The following MAD1L1 variants were observed in gnomAD, a reference collection of about 807,000 sequenced individuals.
MAD1L1 encodes the protein mitotic spindle assembly checkpoint protein MAD1.
In MAD1L1, 95 loss-of-function variants were observed where a neutral mutation model predicts 96.9. The observed-to-expected ratio is 0.98, with a 90% CI of 0.83 to 1.16. The LOEUF is 1.16. MAD1L1 is among the 50% of genes most tolerant of loss of function. The pLI is 0.00. For missense variants in MAD1L1, 1,007 were observed against 954.4 expected (o/e 1.06, Z -0.73); for synonymous variants, 473 against 396.6 (o/e 1.19, Z -2.29).
chr7:1,859,843 T>C (rs12155225), intron 18 of MAD1L1, among the ~76,000 whole-genome samples: 57,176 of 140,568 alleles, frequency 0.41, 11,053 homozygotes, highest in East Asian at 0.56. Flanking sequence ...TTAGACATGA[T>C]ACCCGGCGGG....
chr7:1,819,015 C>T (rs11761254), intron 18 of MAD1L1, among the ~76,000 whole-genome samples: 21,331 of 152,008 alleles, frequency 0.14, 1,690 homozygotes, highest in South Asian at 0.19. Context: ...TTTCCCCCAG[C>T]GTACCCAGCC....
At chr7:1,893,814 G>C (rs941630015) in intron 18 of MAD1L1, among the ~76,000 whole-genome samples, 1 of 152,200 alleles carries the variant, frequency 6.6e-6, no homozygotes, top group Non-Finnish European at 1.5e-5. Flanking sequence ...GGAGCTGCCC[G>C]GGACAAGGTG....
chr7:1,886,319 C>T (rs926755325), intron 18 of MAD1L1, among the ~76,000 whole-genome samples: 12 of 152,204 alleles, frequency 7.9e-5, no homozygotes, highest in Admixed American at 5.2e-4. Flanking sequence ...CCCACTTATT[C>T]ACAAGCCTGC....
intron 15 of MAD1L1, among the ~76,000 whole-genome samples, chr7:1,964,239 C>T (rs570125187): frequency 6.6e-6 from 1 of 152,292 alleles, no homozygotes; most frequent in East Asian, 1.9e-4. Flanking sequence ...TCTGCAGGGG[C>T]TTCTTGACTT....
chr7:2,103,067 C>T lies in MAD1L1; in HGVS notation c.1074-33729G>A, dbSNP rs1432697278. 6.6e-6 allele frequency among the ~76,000 whole-genome samples: 1 copy of T among 152,214 alleles called. No individual in the cohort carries two copies. Among genetic ancestry groups the T allele is most frequent in the African/African-American group, 2.4e-5 (1 of 41,444 alleles). ...TGGGTCAGCGCTGGGTCAGGCCTGG[C>T]CACGCTGCCTGCCTGCTGGAGACGC... is the stretch of plus-strand genomic sequence containing the variant. On this transcript the variant is annotated intron_variant, in intron 11 of 18. Coordinates refer to ENST00000265854, the MANE Select transcript of MAD1L1 (RefSeq NM_001013836.2). The surrounding 1 kb of genome is among the most constrained non-coding windows in gnomAD (Gnocchi z 4.3).
chr7:2,100,682 GC>G (rs1189594162), intron 11 of MAD1L1, among the ~76,000 whole-genome samples: 1 of 152,240 alleles, frequency 6.6e-6, no homozygotes, highest in Non-Finnish European at 1.5e-5. Context: ...GAGAGTGGGA[GC>G]CGCGTCCACC....
At chr7:1,906,872 G>A (rs550858044) in intron 17 of MAD1L1, among the ~76,000 whole-genome samples, 10 of 152,314 alleles carry the variant, frequency 6.6e-5, no homozygotes, top group African/African-American at 1.2e-4. Context: ...GGACACACAC[G>A]CCTACTGCTG....
intron 11 of MAD1L1, among the ~76,000 whole-genome samples, chr7:2,137,237 C>T (rs190121168): frequency 6.6e-6 from 1 of 152,356 alleles, no homozygotes; most frequent in Non-Finnish European, 1.5e-5. Flanking sequence ...CAACAATAAA[C>T]AACATTCAAG....
At chr7:2,092,804 T>A (rs1786283566) in intron 11 of MAD1L1, among the ~76,000 whole-genome samples, 1 of 152,194 alleles carries the variant, frequency 6.6e-6, no homozygotes, top group Admixed American at 6.5e-5. Flanking sequence ...GGCAAATTTA[T>A]CAAATTTTTT....
In MAD1L1 at chr7:2,229,966, C is replaced by A. The variant is rs1366500175; in HGVS notation, c.150+18G>T. 6.2e-7 allele frequency: 1 copy of A among 1,611,356 alleles called. No homozygotes were observed. Among genetic ancestry groups the A allele is most frequent in the African/African-American group, 1.3e-5 (1 of 74,886 alleles). On this transcript the variant is annotated intron_variant, in intron 3 of 18. Transcript: ENST00000265854. ...GGTCTCCCCAGAGCAGACTCCCACCCAGGCACATGCCACTCACCTGCATGC... is the reference window on the plus strand; with the variant it reads ...GGTCTCCCCAGAGCAGACTCCCACCAAGGCACATGCCACTCACCTGCATGC...
At chr7:1,967,952 G>A (rs1780240320) in intron 15 of MAD1L1, among the ~76,000 whole-genome samples, 1 of 151,980 alleles carries the variant, frequency 6.6e-6, no homozygotes, top group Admixed American at 6.5e-5. Flanking sequence ...AAGTCCTGGT[G>A]CGTGCACCAG....
chr7:1,983,144 GCGCGCGCGCGCACACACACA>G (rs780205940), intron 14 of MAD1L1, among the ~76,000 whole-genome samples: 2 of 48,136 alleles, frequency 4.2e-5, no homozygotes, highest in African/African-American at 1.0e-4. Context: ...GCGCGCGCGC[GCGCGCGCGCGCACACACACA>G]CACACACACA....
intron 17 of MAD1L1, among the ~76,000 whole-genome samples, chr7:1,902,709 T>C (rs919913675): frequency 1.3e-5 from 2 of 152,226 alleles, no homozygotes; most frequent in African/African-American, 2.4e-5. Context: ...TCGCTGTACG[T>C]CCTGCAGTGG....
intron 12 of MAD1L1, among the ~76,000 whole-genome samples, chr7:2,026,508 G>C (rs1783000871): frequency 6.6e-6 from 1 of 152,192 alleles, no homozygotes; most frequent in Non-Finnish European, 1.5e-5. Flanking sequence ...ATTTTCAAGT[G>C]TGTATGGGCC....
intron 15 of MAD1L1, among the ~76,000 whole-genome samples, chr7:1,974,080 A>G (rs563910978): frequency 6.6e-6 from 1 of 152,314 alleles, no homozygotes; most frequent in Non-Finnish European, 1.5e-5. Flanking sequence ...CCGGGCTGAG[A>G]CAGGCCCTTA....
At chr7:1,959,447 T>C (rs1003797097) in intron 15 of MAD1L1, among the ~76,000 whole-genome samples, 1 of 152,098 alleles carries the variant, frequency 6.6e-6, no homozygotes, top group African/African-American at 2.4e-5. Flanking sequence ...AAGCCACAGA[T>C]GTAGAAAGCT....
intron 10 of MAD1L1, among the ~76,000 whole-genome samples, chr7:2,163,845 C>T (rs984639817): frequency 1.3e-5 from 2 of 152,122 alleles, no homozygotes; most frequent in African/African-American, 4.8e-5. Context: ...GCATCTCCCT[C>T]ATCCATGCCA....
chr7:2,020,129 T>C (rs556475815), intron 12 of MAD1L1, among the ~76,000 whole-genome samples: 2 of 152,334 alleles, frequency 1.3e-5, no homozygotes, highest in East Asian at 3.9e-4. Context: ...GAGCCCCGGC[T>C]GGTGCTGCAA....
rs1307751208 is a variant in MAD1L1 at position 1,956,532 on chromosome 7, C to A, written c.1596+1097G>T. Among the ~76,000 whole-genome samples, 4 of 152,254 alleles carry A rather than the reference C, an allele frequency of 2.6e-5. No individual in the cohort carries two copies. In the East Asian group the frequency reaches 7.7e-4, roughly 29 times the overall value. ...TCCCCAAATGGCCACACTGGCCACA[C>A]TGCAGCACCACGCCTCAGCTCTGAG... On this transcript the variant is annotated intron_variant, in intron 16 of 18. Coordinates refer to ENST00000265854, the MANE Select transcript of MAD1L1 (RefSeq NM_001013836.2).
Sources: allele counts gnomAD v4.1 joint callset (sites outside exome capture counted in the v4.1 genomes callset), GRCh38; gene constraint gnomAD v4.1.1; non-coding constraint Gnocchi (gnomAD v3.1); transcripts MANE v1.5; gene names NCBI Gene and HGNC (gene_info 2026-07-23, HGNC 2026-07-21).